The following ASIC2 variants were observed in gnomAD, a reference collection of about 807,000 sequenced individuals.
The protein encoded by ASIC2 is acid-sensing ion channel 2.
A neutral mutation model predicts 57.3 loss-of-function variants in ASIC2; 25 were observed. That is an observed-to-expected ratio of 0.44 (90% CI 0.32 to 0.61). ASIC2 has a LOEUF of 0.61. Ranked by LOEUF, ASIC2 falls within the 20% of genes least tolerant of loss-of-function variation. The pLI is 0.06. For missense variants in ASIC2, 641 were observed against 738.1 expected (o/e 0.87, Z 1.52); for synonymous variants, 319 against 307.5 (o/e 1.04, Z -0.39).
intron 1 of ASIC2, among the ~76,000 whole-genome samples, chr17:33,120,337 G>C (rs1597587785): frequency 6.6e-6 from 1 of 152,180 alleles, no homozygotes; most frequent in African/African-American, 2.4e-5. Context: ...AGACCGTGCA[G>C]GAAGAGATGT....
At chr17:33,667,118 A>C (rs112450655) in intron 1 of ASIC2, among the ~76,000 whole-genome samples, 1,909 of 152,320 alleles carry the variant, frequency 0.013, 18 homozygotes, top group Middle Eastern at 0.02. Flanking sequence ...TGAGTCACTG[A>C]TGAGATAAGA....
intron 1 of ASIC2, among the ~76,000 whole-genome samples, chr17:33,980,304 G>C (rs1905565569): frequency 6.6e-6 from 1 of 152,154 alleles, no homozygotes; most frequent in African/African-American, 2.4e-5. Context: ...AGGGAGGTGA[G>C]AAGCCGGATG....
intron 1 of ASIC2, among the ~76,000 whole-genome samples, chr17:33,210,856 G>A (rs186321560): frequency 2.6e-5 from 4 of 152,312 alleles, no homozygotes; most frequent in Non-Finnish European, 5.9e-5. Flanking sequence ...TGAGAAACTA[G>A]TGGGCTTTGA....
intron 1 of ASIC2, among the ~76,000 whole-genome samples, chr17:33,267,237 C>G (rs947081010): frequency 2.0e-5 from 3 of 152,128 alleles, no homozygotes; most frequent in Non-Finnish European, 2.9e-5. Flanking sequence ...CCCCTTACCC[C>G]CCCCAGGAAG....
At chr17:33,300,003 C>T (rs1242581677) in intron 1 of ASIC2, among the ~76,000 whole-genome samples, 1 of 152,212 alleles carries the variant, frequency 6.6e-6, no homozygotes, top group African/African-American at 2.4e-5. Flanking sequence ...AACTCATTCT[C>T]TGCTCACCCT....
chr17:33,354,872 C>T (rs138347429), intron 1 of ASIC2, among the ~76,000 whole-genome samples: 1 of 152,260 alleles, frequency 6.6e-6, no homozygotes, highest in Non-Finnish European at 1.5e-5. Context: ...CCTCTGTCCC[C>T]ACACATGTGC....
chr17:33,482,539 C>T lies in ASIC2; in HGVS notation c.556-370472G>A, dbSNP rs943564000. ...TCATTTATCATTCAAAAAATATGTT[C>T]ACCTTCATTTTCTCATCTGATTCTC... On this transcript the variant is annotated intron_variant, in intron 1 of 9. Coordinates refer to the ASIC2 transcript ENST00000359872. 7.2e-5 allele frequency among the ~76,000 whole-genome samples: 11 copies of T among 152,218 alleles called. No homozygotes were observed. The East Asian group carries it at 1.2e-3, about 16-fold the overall frequency.
chr17:33,205,768 C>T (rs1230411130), intron 1 of ASIC2, among the ~76,000 whole-genome samples: 1 of 152,134 alleles, frequency 6.6e-6, no homozygotes, highest in Non-Finnish European at 1.5e-5. Flanking sequence ...TCCAGAGCTC[C>T]CGGCATGCCG....
intron 1 of ASIC2, chr17:34,118,809 G>A (rs1911506283): frequency 6.6e-6 from 1 of 152,278 alleles, no homozygotes. Context: ...TCCAATCCAG[G>A]GAACGGGTGC....
At chr17:33,027,566 A>G (rs2091864351) in intron 4 of ASIC2, among the ~76,000 whole-genome samples, 1 of 152,150 alleles carries the variant, frequency 6.6e-6, no homozygotes, top group African/African-American at 2.4e-5. Flanking sequence ...ACAGCTGCTG[A>G]TTGTGTTTTA....
chr17:33,415,026 G>T (rs1910793784), intron 1 of ASIC2, among the ~76,000 whole-genome samples: 1 of 152,220 alleles, frequency 6.6e-6, no homozygotes, highest in Non-Finnish European at 1.5e-5. Flanking sequence ...TCCAGGCACT[G>T]TCCTCATACT....
chr17:33,432,758 T>A (rs1238665431), intron 1 of ASIC2, among the ~76,000 whole-genome samples: 3 of 152,104 alleles, frequency 2.0e-5, no homozygotes, highest in African/African-American at 7.2e-5. Context: ...GAACAGACAC[T>A]TTTCAAAAGA....
intron 1 of ASIC2, among the ~76,000 whole-genome samples, chr17:33,139,352 C>T (rs1211658948): frequency 6.6e-6 from 1 of 152,244 alleles, no homozygotes; most frequent in Non-Finnish European, 1.5e-5. Flanking sequence ...AGTCCCTTCC[C>T]CAGATCTATT....
intron 1 of ASIC2, among the ~76,000 whole-genome samples, chr17:33,239,349 G>GAGGACCTGAGAGATCT (rs1908418871): frequency 6.6e-6 from 1 of 151,940 alleles, no homozygotes; most frequent in African/African-American, 2.4e-5. Context: ...GATTAAAATT[G>GAGGACCTGAGAGATCT]TAATCCCCCG....
chr17:33,201,435 C>T (rs1428273918), intron 1 of ASIC2, among the ~76,000 whole-genome samples: 1 of 152,212 alleles, frequency 6.6e-6, no homozygotes, highest in Non-Finnish European at 1.5e-5. Flanking sequence ...GCTGAAACAG[C>T]AAAGAGGCAA....
chr17:33,424,117 G>C (rs1329661020), intron 1 of ASIC2, among the ~76,000 whole-genome samples: 2 of 152,146 alleles, frequency 1.3e-5, no homozygotes, highest in Non-Finnish European at 2.9e-5. Context: ...GATGCTACAG[G>C]GTGGGGCTCT....
At chr17:33,857,106 C>T (rs1913978337) in intron 1 of ASIC2, among the ~76,000 whole-genome samples, 1 of 152,084 alleles carries the variant, frequency 6.6e-6, no homozygotes, top group African/African-American at 2.4e-5. Context: ...TCCTTGGCAG[C>T]CCTAAAATTG....
intron 1 of ASIC2, among the ~76,000 whole-genome samples, chr17:34,053,695 T>G (rs1447874840): frequency 6.6e-6 from 1 of 151,994 alleles, no homozygotes; most frequent in Non-Finnish European, 1.5e-5. Context: ...AGGTACTGAG[T>G]TCAAGATCAA....
intron 1 of ASIC2, among the ~76,000 whole-genome samples, chr17:33,324,735 C>T (rs7226331): frequency 5.9e-5 from 9 of 152,240 alleles, no homozygotes; most frequent in East Asian, 1.9e-4. Context: ...AGGGATCAGT[C>T]GTTCTAACAG....
Sources: gnomAD v4.1 joint callset for allele counts (sites outside exome capture counted in the v4.1 genomes callset) on GRCh38, gnomAD v4.1.1 for gene constraint, MANE v1.5 for transcripts, NCBI Gene and HGNC (gene_info 2026-07-23, HGNC 2026-07-21) for gene names.